Variants in ERC1 observed in about 807,000 individuals in gnomAD.
ERC1 encodes the protein ELKS/RAB6-interacting/CAST family member 1, also known as RAB6 interacting protein 2.
Under a neutral mutation model 132.0 loss-of-function variants are expected in ERC1, and 56 were observed. That is an observed-to-expected ratio of 0.42 (90% confidence interval 0.34 to 0.53). ERC1 has a LOEUF of 0.53. Ranked by LOEUF, ERC1 falls within the 20% of genes least tolerant of loss-of-function variation. ERC1 has a pLI of 0.03. For synonymous variants in ERC1, 478 were observed against 476.1 expected (o/e 1.00, Z -0.05); for missense variants, 1,202 against 1,349.9 (o/e 0.89, Z 1.72).
At chr12:1,371,499 C>G (rs2087229133) in intron 15 of ERC1, among the ~76,000 whole-genome samples, 1 of 152,002 alleles carries the variant, frequency 6.6e-6, no homozygotes, top group African/African-American at 2.4e-5. Context: ...ATAATAGTAA[C>G]TTCAAAGAAT....
At chr12:1,362,423 T>G (rs2154371044) in intron 15 of ERC1, among the ~76,000 whole-genome samples, 1 of 152,212 alleles carries the variant, frequency 6.6e-6, no homozygotes, top group African/African-American at 2.4e-5. Flanking sequence ...ACCGTTGATC[T>G]TCAGAGCTCT....
intron 8 of ERC1, among the ~76,000 whole-genome samples, chr12:1,160,251 C>T (rs1210090296): frequency 6.6e-6 from 1 of 152,160 alleles, no homozygotes; most frequent in Non-Finnish European, 1.5e-5. Context: ...AACAAGCCCC[C>T]AAAAGATTTA....
chr12:1,145,155 T>A (rs1235519740), intron 8 of ERC1, among the ~76,000 whole-genome samples: 1 of 152,040 alleles, frequency 6.6e-6, no homozygotes, highest in Non-Finnish European at 1.5e-5. Flanking sequence ...TAGCTGGGAT[T>A]ACGGGTGCTC....
At chr12:1,091,249 G>A (rs1943179618) in intron 3 of ERC1, among the ~76,000 whole-genome samples, 1 of 152,096 alleles carries the variant, frequency 6.6e-6, no homozygotes, top group Non-Finnish European at 1.5e-5. Flanking sequence ...TACAAGGATG[G>A]AATGCTGTGC....
In ERC1 at chr12:1,263,022, A is replaced by G. The variant is rs759356607; in HGVS notation, c.2488-12A>G. The G allele has an allele frequency of 4.3e-6, 7 of 1,613,266 alleles. No individual in the cohort carries two copies. In the East Asian group the frequency reaches 6.7e-5, roughly 15 times the overall value. ...ATTAATCCACTTCACCTAGTCTTCC[A>G]TCATTTTCTAGGACAGTCTCCGTAA... On this transcript the variant is annotated splice_polypyrimidine_tract_variant and intron_variant, in intron 13 of 18. Transcript: ENST00000360905.
At chr12:1,012,095 G>T (rs1964773938) in intron 1 of ERC1, among the ~76,000 whole-genome samples, 1 of 152,170 alleles carries the variant, frequency 6.6e-6, no homozygotes, top group Non-Finnish European at 1.5e-5. Context: ...AATAAAGCTG[G>T]TGTATCTTTA....
intron 18 of ERC1, among the ~76,000 whole-genome samples, chr12:1,487,531 C>A (rs189713518): frequency 1.9e-5 from 1 of 53,326 alleles, no homozygotes; most frequent in Non-Finnish European, 6.5e-5. Context: ...ATAGTTAGAC[C>A]GCACCTCTAA....
At chr12:1,471,572 C>A (rs2093862490) in intron 18 of ERC1, among the ~76,000 whole-genome samples, 1 of 152,216 alleles carries the variant, frequency 6.6e-6, no homozygotes, top group African/African-American at 2.4e-5. Context: ...TCCTGCTGTA[C>A]ATGAGGAGGT....
At chr12:1,149,471 T>C (rs916896593) in intron 8 of ERC1, among the ~76,000 whole-genome samples, 3 of 152,204 alleles carry the variant, frequency 2.0e-5, no homozygotes, top group Non-Finnish European at 4.4e-5. Context: ...CAATTATGGC[T>C]CACTGCAACC....
chr12:1,128,216 G>A (rs567715485), intron 7 of ERC1, among the ~76,000 whole-genome samples: 1 of 152,218 alleles, frequency 6.6e-6, no homozygotes, highest in Non-Finnish European at 1.5e-5. Flanking sequence ...AACAAATGGA[G>A]TGATCAGACC....
chr12:1,067,898 A>G (rs1185699713), intron 2 of ERC1, among the ~76,000 whole-genome samples: 1 of 148,682 alleles, frequency 6.7e-6, no homozygotes, highest in Non-Finnish European at 1.5e-5. Flanking sequence ...TAGTTTGCCA[A>G]TTTTACTGTA....
intron 17 of ERC1, among the ~76,000 whole-genome samples, chr12:1,441,085 A>G (rs1386356859): frequency 1.3e-5 from 2 of 150,048 alleles, no homozygotes; most frequent in Non-Finnish European, 3.0e-5. Context: ...TTTGAGACAG[A>G]TCTTGCTGCA....
intron 16 of ERC1, among the ~76,000 whole-genome samples, chr12:1,399,194 C>T (rs1038562928): frequency 1.3e-5 from 2 of 151,912 alleles, no homozygotes; most frequent in African/African-American, 4.8e-5. Context: ...TCAAGCAGTC[C>T]TCCCACCTCA....
At chr12:1,118,291 A>G (rs186853359) in intron 7 of ERC1, among the ~76,000 whole-genome samples, 3 of 152,318 alleles carry the variant, frequency 2.0e-5, no homozygotes, top group Middle Eastern at 3.4e-3. Flanking sequence ...TAATGCAAAC[A>G]TTTAAAAGCT....
intron 2 of ERC1, among the ~76,000 whole-genome samples, chr12:1,036,567 T>G (rs891135670): frequency 1.3e-5 from 2 of 151,842 alleles, no homozygotes; most frequent in African/African-American, 4.8e-5. Context: ...GTAGAGATGG[T>G]GTTTCGCCAT....
At chr12:1,079,063 T>C (rs1941800948) in intron 2 of ERC1, among the ~76,000 whole-genome samples, 1 of 151,670 alleles carries the variant, frequency 6.6e-6, no homozygotes, top group Non-Finnish European at 1.5e-5. Flanking sequence ...AAAGTCGATA[T>C]ACAGAGATAC....
At chr12:1,341,457 A>G (rs1181412661) in intron 15 of ERC1, among the ~76,000 whole-genome samples, 2 of 152,142 alleles carry the variant, frequency 1.3e-5, no homozygotes, top group African/African-American at 4.8e-5. Flanking sequence ...TGTGGCACAT[A>G]TACATCATGG....
intron 17 of ERC1, among the ~76,000 whole-genome samples, chr12:1,424,869 G>C (rs1159386051): frequency 9.2e-6 from 1 of 108,242 alleles, no homozygotes; most frequent in East Asian, 2.3e-4. Context: ...TAGATCGATA[G>C]ATAGATAGAT....
chr12:1,418,616 TTTCTTTCTTTCTTTC>T (rs1356151443), intron 17 of ERC1, among the ~76,000 whole-genome samples: 1 of 118,392 alleles, frequency 8.4e-6, no homozygotes, highest in Non-Finnish European at 1.6e-5. Flanking sequence ...TCTTTCTTTC[TTTCTTTCTTTCTTTC>T]TTTCTTTCTT....
Sources: allele counts gnomAD v4.1 joint callset (sites outside exome capture counted in the v4.1 genomes callset), GRCh38; gene constraint gnomAD v4.1.1; transcripts MANE v1.5; gene names NCBI Gene and HGNC (gene_info 2026-07-23, HGNC 2026-07-21).